The following FBXW10 variants were observed in gnomAD, a reference collection of about 807,000 sequenced individuals.
The protein encoded by FBXW10 is F-box and WD repeat domain containing 10, also known as F-box/WD repeat-containing protein 10.
A neutral mutation model predicts 113.1 loss-of-function variants in FBXW10; 68 were observed. That is an observed-to-expected ratio of 0.60 (90% CI 0.49 to 0.74). The LOEUF (loss-of-function observed/expected upper bound fraction) is 0.74. FBXW10 is among the 30% of genes least tolerant of loss of function. The pLI, the probability that FBXW10 is intolerant of heterozygous loss-of-function variation, is 0.00. For synonymous variants in FBXW10, 289 were observed against 481.6 expected, an observed-to-expected ratio of 0.60 and a Z score of 5.24; for missense variants, 753 against 1,284.5, an observed-to-expected ratio of 0.59 and a Z score of 6.32.
intron 12 of FBXW10, among the ~76,000 whole-genome samples, chr17:18,773,155 AC>A (rs1261594539): frequency 1.3e-5 from 2 of 151,240 alleles, no homozygotes; most frequent in Admixed American, 1.3e-4. Context: ...CTGGTCTCAA[AC>A]TCCCGACCTC....
rs143662391 is a variant in FBXW10, at chr17:18,744,338, T to G, written c.94T>G (p.Cys32Gly). 3.7e-3 allele frequency: 5,990 copies of G among 1,613,158 alleles called. 236 individuals carry two copies. The African/African-American group carries it at 0.072, about 19-fold the overall frequency. The part of the protein sequence containing the change: ...SIPLCRKCET[C>G]VLAWKIFSTK... ...CCCTCTATGCCGGAAGTGTGAGACG[T>G]GTGTCTTAGCCTGGAAGATCTTCTC... The change falls in exon 1 of 14, where the codon TGT becomes GGT. Residue 32 changes from cysteine (C) to glycine (G), a missense_variant. Transcript: ENST00000395665.
chr17:18,766,050 C>T (rs1270828199), intron 8 of FBXW10, among the ~76,000 whole-genome samples: 3 of 151,984 alleles, frequency 2.0e-5, no homozygotes, highest in Non-Finnish European at 1.5e-5. Context: ...TTTAGAAAAC[C>T]CTGTTCTGCC....
At chr17:18,766,265 A>G (rs1168416576) in intron 8 of FBXW10, among the ~76,000 whole-genome samples, 2 of 152,202 alleles carry the variant, frequency 1.3e-5, no homozygotes, top group Non-Finnish European at 2.9e-5. Flanking sequence ...TCAGGAAGAC[A>G]ACATCTGGGA....
intron 4 of FBXW10, among the ~76,000 whole-genome samples, chr17:18,750,365 C>G (rs563349636): frequency 1.6e-4 from 25 of 152,224 alleles, no homozygotes; most frequent in Admixed American, 3.9e-4. Context: ...AGAGACCGCT[C>G]AGGAGCAGAG....
chr17:18,744,806 T>A, intron 1 of FBXW10, 57 bp downstream of exon 1: 1 of 1,580,262 alleles, frequency 6.3e-7, no homozygotes, highest in Non-Finnish European at 8.6e-7. Flanking sequence ...AGGCAAGGCT[T>A]CAGAAATCTG....
chr17:18,769,187 A>C (rs889866184), intron 10 of FBXW10, among the ~76,000 whole-genome samples: 27 of 151,890 alleles, frequency 1.8e-4, no homozygotes, highest in African/African-American at 6.3e-4. Flanking sequence ...CACCCGCCTC[A>C]GCCTCCCAAA....
chr17:18,751,785 G>A (rs1441952591), intron 5 of FBXW10, among the ~76,000 whole-genome samples: 1 of 152,144 alleles, frequency 6.6e-6, no homozygotes, highest in African/African-American at 2.4e-5. Context: ...GAATGCCTAG[G>A]GCCTAGACGA....
At chr17:18,745,852 C>T (rs934164713) in intron 1 of FBXW10, among the ~76,000 whole-genome samples, 1 of 152,180 alleles carries the variant, frequency 6.6e-6, no homozygotes, top group African/African-American at 2.4e-5. Flanking sequence ...GCAGAAGAAA[C>T]AATAAGGGTG....
intron 2 of FBXW10, 39 bp from the exon 3 acceptor site, chr17:18,749,683 G>A: frequency 6.2e-7 from 1 of 1,613,700 alleles, no homozygotes; most frequent in Non-Finnish European, 8.5e-7. Context: ...TTTCTACAGA[G>A]CCAACTCAAC....
intron 4 of FBXW10, among the ~76,000 whole-genome samples, chr17:18,750,517 G>GT (rs199847738): frequency 1.3e-5 from 2 of 151,122 alleles, no homozygotes; most frequent in Non-Finnish European, 3.0e-5. Context: ...AGGCTGCAAA[G>GT]TTTTTTTTTA....
intron 6 of FBXW10, among the ~76,000 whole-genome samples, chr17:18,756,943 T>C (rs1324069837): frequency 6.6e-6 from 1 of 152,186 alleles, no homozygotes; most frequent in East Asian, 1.9e-4. Flanking sequence ...GTTGAGTTTT[T>C]ATGCTTAGTG....
At chr17:18,771,719 A>G (rs1690270839) in intron 11 of FBXW10, among the ~76,000 whole-genome samples, 2 of 152,206 alleles carry the variant, frequency 1.3e-5, no homozygotes, top group Admixed American at 6.5e-5. Context: ...ACAAAGAAAC[A>G]AAAACACTGA....
chr17:18,777,810 G>T (rs894541809), intron 13 of FBXW10, among the ~76,000 whole-genome samples: 10 of 151,104 alleles, frequency 6.6e-5, no homozygotes, highest in African/African-American at 2.4e-4. Context: ...CCCAAAGTGT[G>T]GGGATTACAG....
In FBXW10 at chr17:18,748,607, G is replaced by A. The variant is rs375952947; in HGVS notation, c.670+502G>A. 2.6e-5 allele frequency among the ~76,000 whole-genome samples: 4 copies of A among 151,930 alleles called. No homozygotes were observed. The East Asian group carries it at 5.8e-4, about 22-fold the overall frequency. On this transcript the variant is annotated intron_variant, in intron 2 of 13. Transcript: ENST00000395665. ...ATCTAATTCTCACAGCTGGTAAGGG[G>A]AGGAGCAAGGATTAAATTGATCAAT... is the stretch of plus-strand genomic sequence containing the variant.
chr17:18,745,731 A>G (rs1031573476), intron 1 of FBXW10, among the ~76,000 whole-genome samples: 3 of 152,102 alleles, frequency 2.0e-5, no homozygotes, highest in African/African-American at 7.2e-5. Flanking sequence ...CTGTATTTCT[A>G]ACAAGTTTCC....
Position 18,750,038 on chromosome 17 carries a change from G to C in FBXW10, c.900G>C (p.Lys300Asn), listed in dbSNP as rs745522658. 1.1e-5 allele frequency: 18 copies of C among 1,613,838 alleles called. No homozygotes were observed. The highest frequency in any genetic ancestry group is 4.2e-6 in the Non-Finnish European group (5 of 1,179,980). The change falls in exon 4 of 14, where the codon AAG becomes AAC. Residue 300 changes from lysine (K) to asparagine (N), a missense_variant. Lys to Asn is a moderately conservative substitution (Grantham distance 94). Transcript: ENST00000395665. ...TGCTGGATAGACACACCCTGAACAAGTGCGCCTCTGTGAGCCAGCACTGGG... is the reference window on the plus strand; with the variant it reads ...TGCTGGATAGACACACCCTGAACAACTGCGCCTCTGTGAGCCAGCACTGGG... ...LRMLDRHTLN[K>N]CASVSQHWAA...
At chr17:18,745,215 C>T (rs1472608482) in intron 1 of FBXW10, 81 of 995,932 alleles carry the variant, frequency 8.1e-5, no homozygotes, top group Non-Finnish European at 9.7e-5. Context: ...TTCACTCTAC[C>T]ATGCTCCTTG....
intron 1 of FBXW10, among the ~76,000 whole-genome samples, chr17:18,745,653 A>G (rs2035027267): frequency 6.6e-6 from 1 of 152,052 alleles, no homozygotes; most frequent in African/African-American, 2.4e-5. Context: ...TGACCTCGTG[A>G]TCCGCCTGCC....
chr17:18,757,069 C>T (rs944958038), intron 6 of FBXW10, among the ~76,000 whole-genome samples: 16 of 152,068 alleles, frequency 1.1e-4, no homozygotes, highest in Non-Finnish European at 2.9e-5. Flanking sequence ...TACATATACA[C>T]ACACACATAT....
Sources: allele counts gnomAD v4.1 joint callset (sites outside exome capture counted in the v4.1 genomes callset), GRCh38; gene constraint gnomAD v4.1.1; transcripts MANE v1.5; gene names NCBI Gene and HGNC (gene_info 2026-07-23, HGNC 2026-07-21).